Variants in C8orf34 observed in about 807,000 individuals in gnomAD.
C8orf34 encodes the protein uncharacterized protein C8orf34.
In C8orf34, 65 loss-of-function variants were observed where a neutral mutation model predicts 68.3. The observed-to-expected ratio is 0.95, with a 90% CI of 0.78 to 1.17. The LOEUF is 1.17. C8orf34 is among the 50% of genes most tolerant of loss of function. The pLI, the probability that C8orf34 is intolerant of heterozygous loss-of-function variation, is 0.00. For missense variants in C8orf34, 664 were observed against 655.4 expected (o/e 1.01, Z -0.14); for synonymous variants, 244 against 241.2 (o/e 1.01, Z -0.11).
At position 68,468,885 on chromosome 8, in the gene C8orf34, C is replaced by T; in HGVS notation, c.736+65C>T. The T allele has an allele frequency of 2.6e-6, 4 of 1,530,636 alleles. No homozygotes were observed. In the South Asian group the frequency reaches 4.9e-5, roughly 19 times the overall value. 94.8% of individuals were successfully genotyped at this position (1,530,636 alleles called of 1,614,324 possible). On this transcript the variant is annotated intron_variant, in intron 4 of 13. Coordinates refer to ENST00000518698, the MANE Select transcript of C8orf34 (RefSeq NM_052958.4). Reference sequence around the variant, plus strand: ...AATATTAAAGCCGAAGCATTCATTACTTGTGCCAATAACCCATTTCTAACA... The same window carrying T: ...AATATTAAAGCCGAAGCATTCATTATTTGTGCCAATAACCCATTTCTAACA...
chr8:68,399,633 A>G (rs1242389121), intron 1 of C8orf34, among the ~76,000 whole-genome samples: 1 of 152,104 alleles, frequency 6.6e-6, no homozygotes, highest in Non-Finnish European at 1.5e-5. Flanking sequence ...GAGAGCAGGT[A>G]CCTTCTTGAT....
At chr8:68,798,689 A>G (rs1824248315) in intron 12 of C8orf34, among the ~76,000 whole-genome samples, 1 of 152,180 alleles carries the variant, frequency 6.6e-6, no homozygotes, top group African/African-American at 2.4e-5. Context: ...GTAGAGAATT[A>G]TTTGGATCTG....
chr8:68,660,432 AG>A (rs1819637259), intron 8 of C8orf34, among the ~76,000 whole-genome samples: 1 of 152,166 alleles, frequency 6.6e-6, no homozygotes, highest in Non-Finnish European at 1.5e-5. Context: ...TCATGTTAAC[AG>A]GGGGTCTGGA....
At chr8:68,426,505 T>C (rs769413894) in intron 1 of C8orf34, among the ~76,000 whole-genome samples, 78 of 36,114 alleles carry the variant, frequency 2.2e-3, no homozygotes, top group Non-Finnish European at 3.4e-3. Flanking sequence ...AGTGACAGAA[T>C]AAGACCTTGT....
At chr8:68,502,042 C>T (rs1001735177) in intron 5 of C8orf34, among the ~76,000 whole-genome samples, 1 of 151,962 alleles carries the variant, frequency 6.6e-6, no homozygotes, top group African/African-American at 2.4e-5. Flanking sequence ...TTCAGATTCT[C>T]GTCTTTAAGG....
chr8:68,749,664 T>A (rs1011387550), intron 10 of C8orf34, among the ~76,000 whole-genome samples: 6 of 152,138 alleles, frequency 3.9e-5, no homozygotes, highest in Non-Finnish European at 8.8e-5. Context: ...CATTTGCCTA[T>A]TCTAGAAATT....
At chr8:68,445,985 T>C (rs1811104565) in intron 2 of C8orf34, among the ~76,000 whole-genome samples, 1 of 152,144 alleles carries the variant, frequency 6.6e-6, no homozygotes, top group African/African-American at 2.4e-5. Context: ...AGACGACGGG[T>C]TTCACCATAC....
intron 8 of C8orf34, among the ~76,000 whole-genome samples, chr8:68,665,747 A>C (rs1158548290): frequency 6.6e-6 from 1 of 152,172 alleles, no homozygotes; most frequent in African/African-American, 2.4e-5. Context: ...TCACCTCATC[A>C]GAGAGACCTT....
chr8:68,451,462 A>G (rs1329798977), intron 3 of C8orf34, among the ~76,000 whole-genome samples: 1 of 152,102 alleles, frequency 6.6e-6, no homozygotes, highest in African/African-American at 2.4e-5. Context: ...AATCATTTCT[A>G]TCTTTTGCAG....
chr8:68,361,781 C>A (rs1462251714), intron 1 of C8orf34, among the ~76,000 whole-genome samples: 5 of 152,084 alleles, frequency 3.3e-5, no homozygotes, highest in Admixed American at 6.6e-5. Context: ...TAACTGAGTA[C>A]TTGTTGGGTG....
intron 1 of C8orf34, among the ~76,000 whole-genome samples, chr8:68,414,986 A>C (rs1365536645): frequency 6.6e-6 from 1 of 152,010 alleles, no homozygotes; most frequent in Non-Finnish European, 1.5e-5. Context: ...TATGTTCACT[A>C]TGTCTTCTCC....
At chr8:68,367,633 G>T (rs1329772767) in intron 1 of C8orf34, among the ~76,000 whole-genome samples, 1 of 136,342 alleles carries the variant, frequency 7.3e-6, no homozygotes, top group Non-Finnish European at 1.6e-5. Flanking sequence ...ATCATTCTCA[G>T]TAAACTATCA....
chr8:68,494,237 C>A (rs1482065096), intron 5 of C8orf34, among the ~76,000 whole-genome samples: 1 of 152,058 alleles, frequency 6.6e-6, no homozygotes, highest in Non-Finnish European at 1.5e-5. Flanking sequence ...CATGGATGAA[C>A]CTTGAGGAAC....
intron 8 of C8orf34, among the ~76,000 whole-genome samples, chr8:68,695,407 C>A (rs1820802800): frequency 6.6e-6 from 1 of 152,108 alleles, no homozygotes; most frequent in Admixed American, 6.6e-5. Flanking sequence ...CCTTGGCATC[C>A]AAAAGTGCTG....
chr8:68,760,000 G>A (rs897447323), intron 10 of C8orf34, among the ~76,000 whole-genome samples: 1 of 152,230 alleles, frequency 6.6e-6, no homozygotes, highest in African/African-American at 2.4e-5. Context: ...GAGTACGGAA[G>A]TGCTGTGACA....
chr8:68,616,851 C>T, intron 7 of C8orf34, among the ~76,000 whole-genome samples: 1 of 151,722 alleles, frequency 6.6e-6, no homozygotes, highest in Non-Finnish European at 1.5e-5. Context: ...TCCTTGTTAA[C>T]TTTGTCTCAT....
At chr8:68,794,120 G>A (rs1050452941) in intron 12 of C8orf34, among the ~76,000 whole-genome samples, 159 of 152,062 alleles carry the variant, frequency 1.0e-3, no homozygotes, top group African/African-American at 3.7e-3. Flanking sequence ...GGAACCAGAA[G>A]TGTTTCAGAT....
Position 68,737,622 on chromosome 8 carries a change from T to A in C8orf34, c.1404+16185T>A, listed in dbSNP as rs578228725. Among the ~76,000 whole-genome samples, 6 of 151,766 alleles carry A rather than the reference T, an allele frequency of 4.0e-5. No individual in the cohort carries two copies. The South Asian group carries it at 1.2e-3, about 32-fold the overall frequency. On this transcript the variant is annotated intron_variant, in intron 10 of 13. Coordinates refer to ENST00000518698, the MANE Select transcript of C8orf34 (RefSeq NM_052958.4). ...ACAGAAAAAAGCAGGGGTAGCAACC[T>A]TACTTTCAGACGAAACAAACTTTAA...
intron 7 of C8orf34, among the ~76,000 whole-genome samples, chr8:68,623,694 T>G (rs1333702536): frequency 6.6e-6 from 1 of 152,142 alleles, no homozygotes; most frequent in Non-Finnish European, 1.5e-5. Context: ...GAAGGCCCTC[T>G]TCTGGGTTGT....
Sources: allele counts gnomAD v4.1 joint callset (sites outside exome capture counted in the v4.1 genomes callset), GRCh38; gene constraint gnomAD v4.1.1; transcripts MANE v1.5; gene names NCBI Gene and HGNC (gene_info 2026-07-23, HGNC 2026-07-21).